The following DSCAML1 variants were observed in gnomAD, a reference collection of about 807,000 sequenced individuals.
DSCAML1 encodes the protein cell adhesion molecule DSCAML1.
A neutral mutation model predicts 200.5 loss-of-function variants in DSCAML1; 38 were observed. The observed-to-expected ratio is 0.19, with a 90% CI of 0.15 to 0.25. The LOEUF (loss-of-function observed/expected upper bound fraction) is 0.25, where lower values mean the gene tolerates loss of function less well. DSCAML1 is among the 10% of genes least tolerant of loss of function. The probability of loss-of-function intolerance (pLI) is 1.00; values close to 1 mark genes in which losing one functional copy is unlikely to be tolerated. For missense variants in DSCAML1, 2,223 were observed against 2,858.8 expected (o/e 0.78, Z 5.07); for synonymous variants, 1,215 against 1,165.0 (o/e 1.04, Z -0.87).
chr11:117,450,732 A>G, intron 19 of DSCAML1, 44 bp from the exon 20 acceptor site: 3 of 1,595,798 alleles, frequency 1.9e-6, no homozygotes, highest in Non-Finnish European at 2.6e-6. Context: ...AAGCAGGAGC[A>G]CAGCCTTTGG....
chr11:117,501,060 C>G (rs759291102), intron 11 of DSCAML1, among the ~76,000 whole-genome samples: 2 of 152,076 alleles, frequency 1.3e-5, no homozygotes, highest in African/African-American at 4.8e-5. Context: ...TGAGGGATGA[C>G]GAGGAATGGT....
chr11:117,655,240 G>C (rs1052511196), intron 3 of DSCAML1, among the ~76,000 whole-genome samples: 1 of 152,228 alleles, frequency 6.6e-6, no homozygotes, highest in Non-Finnish European at 1.5e-5. Context: ...CAGGACAGGG[G>C]AGGGCTCAAT....
rs141950419 is a variant in DSCAML1, at chr11:117,482,035, G to T, written c.2487C>A (p.Ile829=). Reference sequence around the variant, plus strand: ...CATACCGCATGACGCGGTCAGGGTCGATGACTGTGTCCCCCTTCTCCCAGC... The same window carrying T: ...CATACCGCATGACGCGGTCAGGGTCTATGACTGTGTCCCCCTTCTCCCAGC... ...IIRWEKGDTV[I]DPDRVMRYAI... is the part of the protein sequence containing the mutation. Residue 829 remains isoleucine (I), a synonymous_variant, in exon 12 of 33, where the codon ATC becomes ATA. Coordinates refer to ENST00000651296, the MANE Select transcript of DSCAML1 (RefSeq NM_020693.4). The T allele has an allele frequency of 2.5e-6, 4 of 1,614,174 alleles. No individual in the cohort carries two copies. The highest frequency in any genetic ancestry group is 1.7e-5 in the Admixed American group (1 of 60,028).
At chr11:117,813,175 T>C (rs544768015) in intron 1 of DSCAML1, among the ~76,000 whole-genome samples, 23 of 152,254 alleles carry the variant, frequency 1.5e-4, no homozygotes, top group Middle Eastern at 3.4e-3. Context: ...GACTGGACAA[T>C]ACTTTTACCA....
At chr11:117,663,971 G>A (rs2052920289) in intron 3 of DSCAML1, among the ~76,000 whole-genome samples, 2 of 152,214 alleles carry the variant, frequency 1.3e-5, no homozygotes, top group Admixed American at 1.3e-4. Context: ...CAGCAAGGCC[G>A]GCTGCAAGGC....
intron 3 of DSCAML1, among the ~76,000 whole-genome samples, chr11:117,737,379 C>T (rs1348103223): frequency 2.0e-5 from 3 of 152,186 alleles, no homozygotes; most frequent in Non-Finnish European, 4.4e-5. Flanking sequence ...GGCAGGCAGT[C>T]GCTAGATCAG....
intron 11 of DSCAML1, among the ~76,000 whole-genome samples, chr11:117,487,477 C>T (rs1029476974): frequency 6.6e-6 from 1 of 152,100 alleles, no homozygotes; most frequent in Non-Finnish European, 1.5e-5. Flanking sequence ...CCCAAGGTCA[C>T]GTTGCTGGTA....
At chr11:117,737,192 C>T (rs2137831097) in intron 3 of DSCAML1, among the ~76,000 whole-genome samples, 1 of 152,344 alleles carries the variant, frequency 6.6e-6, no homozygotes, top group African/African-American at 2.4e-5. Context: ...TCCTGGGTTT[C>T]AGCTCCCCTA....
At chr11:117,431,377 A>C (rs770614567) in intron 31 of DSCAML1, among the ~76,000 whole-genome samples, 157 bp downstream of exon 31, 1 of 152,238 alleles carries the variant, frequency 6.6e-6, no homozygotes, top group Non-Finnish European at 1.5e-5. Flanking sequence ...TTTTTGTCCC[A>C]GCTGCACAGT....
In DSCAML1 at chr11:117,439,405, G is replaced by C. The variant is rs1456310334; in HGVS notation, c.4005C>G (p.Ser1335=). The part of the protein sequence containing the change: ...KDSEDSAIPV[S]MDGHRLIHTN... Reference sequence around the variant, plus strand: ...TGTGGATGAGCCGGTGCCCATCCATGGACACTGGAATGGCCGAGTCTTCAC... The same window carrying C: ...TGTGGATGAGCCGGTGCCCATCCATCGACACTGGAATGGCCGAGTCTTCAC... The change falls in exon 23 of 33, where the codon TCC becomes TCG. Residue 1335 remains serine, a synonymous_variant. Coordinates refer to ENST00000651296, the MANE Select transcript of DSCAML1 (RefSeq NM_020693.4). 8 of 1,613,380 alleles carry C rather than the reference G, an allele frequency of 5.0e-6. No homozygotes were observed. Among genetic ancestry groups the C allele is most frequent in the Non-Finnish European group, 6.8e-6 (8 of 1,179,940 alleles).
chr11:117,712,977 C>T (rs1048160957), intron 3 of DSCAML1, among the ~76,000 whole-genome samples: 2 of 152,064 alleles, frequency 1.3e-5, no homozygotes, highest in Non-Finnish European at 2.9e-5. Context: ...TCCTTCCCAA[C>T]TCCCCTTTTG....
At chr11:117,816,352 G>C (rs997003653) in intron 1 of DSCAML1, among the ~76,000 whole-genome samples, 2 of 152,254 alleles carry the variant, frequency 1.3e-5, no homozygotes, top group Non-Finnish European at 2.9e-5. Context: ...TTCCCAGCCA[G>C]TGACTCGCTC....
At chr11:117,803,167 A>C (rs945208170) in intron 1 of DSCAML1, among the ~76,000 whole-genome samples, 2 of 152,094 alleles carry the variant, frequency 1.3e-5, no homozygotes, top group South Asian at 4.1e-4. Flanking sequence ...GAACACTCCT[A>C]TCACCGACTG....
intron 3 of DSCAML1, among the ~76,000 whole-genome samples, chr11:117,613,190 G>A (rs1591322824): frequency 1.3e-5 from 2 of 152,030 alleles, no homozygotes; most frequent in African/African-American, 2.4e-5. Flanking sequence ...AACTCAGACC[G>A]AGCATTCTGT....
In DSCAML1 at chr11:117,503,941, G is replaced by T; in HGVS notation, c.2263C>A (p.Arg755Ser). 6 of 1,614,166 alleles carry T rather than the reference G, an allele frequency of 3.7e-6. No individual in the cohort carries two copies. The highest frequency in any genetic ancestry group is 5.1e-6 in the Non-Finnish European group (6 of 1,180,026). Reference sequence around the variant, plus strand: ...CCGATGTCCTCTTCTAGGACGTGGCGGATCAGCAGCGAGCTGTTGGGCAGG... The same window carrying T: ...CCGATGTCCTCTTCTAGGACGTGGCTGATCAGCAGCGAGCTGTTGGGCAGG... ...QILPNSSLLI[R>S]HVLEEDIGYY... Residue 755 changes from arginine to serine, a missense_variant, in exon 11 of 33, where the codon CGC (arginine) becomes AGC (serine). Arg to Ser is a moderately radical substitution (Grantham distance 110). This residue lies in a region of DSCAML1 where 212 missense variants were observed against 368.0 expected (regional missense o/e 0.58). Coordinates refer to ENST00000651296, the MANE Select transcript of DSCAML1 (RefSeq NM_020693.4). This position sits in a 1 kb window ranked among gnomAD's most constrained non-coding sequence, Gnocchi z 5.2.
At chr11:117,551,167 A>G (rs2050460783) in intron 3 of DSCAML1, among the ~76,000 whole-genome samples, 1 of 152,250 alleles carries the variant, frequency 6.6e-6, no homozygotes, top group South Asian at 2.1e-4. Context: ...ACGTGTAAAG[A>G]AAAAGATATC....
chr11:117,444,119 T>TGAGG, intron 20 of DSCAML1, 80 bp from the exon 21 acceptor site: 6 of 1,481,948 alleles, frequency 4.0e-6, no homozygotes, highest in Non-Finnish European at 5.4e-6. Flanking sequence ...TGCCCGGGGC[T>TGAGG]CAGAGGAGAG....
chr11:117,782,843 T>C (rs550083956), intron 1 of DSCAML1, among the ~76,000 whole-genome samples: 139 of 152,246 alleles, frequency 9.1e-4, no homozygotes, highest in African/African-American at 3.1e-3. Context: ...ACAGGTACTA[T>C]TAGTATCCCA....
chr11:117,475,271 C>A (rs1039315206), intron 14 of DSCAML1, among the ~76,000 whole-genome samples: 8 of 152,166 alleles, frequency 5.3e-5, no homozygotes, highest in Non-Finnish European at 2.9e-5. Flanking sequence ...TCCATCTTGG[C>A]CCTGAGAGTC....
Sources: gnomAD v4.1 joint callset for allele counts (sites outside exome capture counted in the v4.1 genomes callset) on GRCh38, gnomAD v4.1.1 for gene constraint, gnomAD v4.1.1 regional missense constraint, Gnocchi (gnomAD v3.1) non-coding constraint, MANE v1.5 for transcripts, NCBI Gene and HGNC (gene_info 2026-07-23, HGNC 2026-07-21) for gene names.